ATP10B: variants seen among roughly 807,000 people sequenced by gnomAD.
ATP10B encodes ATPase phospholipid transporting 10B (putative), also known as phospholipid-transporting ATPase VB.
A neutral mutation model predicts 141.2 loss-of-function variants in ATP10B; 122 were observed. That is an observed-to-expected ratio of 0.86 (90% confidence interval 0.75 to 1.00). The LOEUF (loss-of-function observed/expected upper bound fraction) is 1.00, where lower values mean the gene tolerates loss of function less well. Among genes scored for constraint, ATP10B ranks in the 50% least tolerant of loss-of-function variants. The pLI is 0.00. For synonymous variants in ATP10B, 685 were observed against 692.0 expected (o/e 0.99, Z 0.16); for missense variants, 1,876 against 1,825.3 (o/e 1.03, Z -0.51).
chr5:160,631,414 A>C (rs1275437751), intron 13 of ATP10B, among the ~76,000 whole-genome samples: 1 of 152,234 alleles, frequency 6.6e-6, no homozygotes, highest in East Asian at 1.9e-4. Context: ...CTAGTGGATC[A>C]AATGTGAAAG....
Position 160,602,681 on chromosome 5 carries a change from C to A in ATP10B, c.3259G>T (p.Ala1087Ser). 1.2e-6 allele frequency: 2 copies of A among 1,614,004 alleles called. No individual in the cohort carries two copies. The highest frequency in any genetic ancestry group is 1.7e-6 in the Non-Finnish European group (2 of 1,179,882). ...TTGAGATGCTTAAAGCGGGTGATGG[C>A]AAAGTCGCTGGACATGACAGCCTGA... The part of the protein sequence containing the change: ...GMQAVMSSDF[A>S]ITRFKHLKKL... The change falls in exon 21 of 26, where the codon GCC becomes TCC. Residue 1087 changes from alanine (A) to serine (S), a missense_variant. Physicochemically the swap from Ala to Ser is moderately conservative, Grantham distance 99. Transcript: ENST00000327245.
chr5:160,698,573 G>C (rs1764504782), intron 3 of ATP10B, among the ~76,000 whole-genome samples: 1 of 152,138 alleles, frequency 6.6e-6, no homozygotes. Context: ...AAAGACATTT[G>C]GACACATTGG....
chr5:160,870,424 A>G, the ATP10B span, among the ~76,000 whole-genome samples: 1 of 151,998 alleles, frequency 6.6e-6, no homozygotes, highest in South Asian at 2.1e-4. Context: ...AAAAAACCCC[A>G]CAATTTGAGG....
the ATP10B span, among the ~76,000 whole-genome samples, chr5:160,862,422 G>A: frequency 6.6e-6 from 1 of 151,824 alleles, no homozygotes; most frequent in African/African-American, 2.4e-5. Context: ...CACTTACCTG[G>A]CCAGTCTCCA....
chr5:160,919,488 G>A, the ATP10B span, among the ~76,000 whole-genome samples: 3 of 152,086 alleles, frequency 2.0e-5, no homozygotes, highest in Non-Finnish European at 2.9e-5. Flanking sequence ...GGGAGGAGTC[G>A]CTAGCAGCCA....
At chr5:160,763,344 C>T (rs1175685778) in intron 2 of ATP10B, among the ~76,000 whole-genome samples, 2 of 151,874 alleles carry the variant, frequency 1.3e-5, no homozygotes, top group Non-Finnish European at 2.9e-5. Context: ...TTAAGCAACT[C>T]GAAATAATAT....
the ATP10B span, among the ~76,000 whole-genome samples, chr5:160,896,349 T>A: frequency 6.6e-6 from 1 of 151,708 alleles, no homozygotes; most frequent in African/African-American, 2.4e-5. Flanking sequence ...CAATAAAAAA[T>A]GATAATGGGG....
At chr5:160,761,968 A>C (rs776231617) in intron 2 of ATP10B, among the ~76,000 whole-genome samples, 1 of 152,214 alleles carries the variant, frequency 6.6e-6, no homozygotes, top group Non-Finnish European at 1.5e-5. Flanking sequence ...AAACAAGTAG[A>C]AGAAAAAACT....
chr5:160,706,821 A>T (rs2127766766), intron 3 of ATP10B, among the ~76,000 whole-genome samples: 1 of 152,332 alleles, frequency 6.6e-6, no homozygotes, highest in South Asian at 2.1e-4. Context: ...CACTTCTTAA[A>T]TTAGAAAGTA....
intron 1 of ATP10B, among the ~76,000 whole-genome samples, chr5:160,811,307 T>C (rs1178546296): frequency 6.6e-6 from 1 of 152,070 alleles, no homozygotes; most frequent in East Asian, 1.9e-4. Context: ...GAGGGGAAAG[T>C]AATAGGACTT....
chr5:160,789,004 G>C (rs1214397419), intron 1 of ATP10B, among the ~76,000 whole-genome samples: 1 of 152,144 alleles, frequency 6.6e-6, no homozygotes, highest in Non-Finnish European at 1.5e-5. Flanking sequence ...GATGAATTCT[G>C]ACTAGGGCCT....
chr5:160,735,272 A>T (rs917130016), intron 2 of ATP10B, among the ~76,000 whole-genome samples: 2 of 151,996 alleles, frequency 1.3e-5, no homozygotes, highest in African/African-American at 2.4e-5. Context: ...ACTTATAAAG[A>T]TACATACAGA....
In ATP10B at chr5:160,670,719, A is replaced by G. The variant is rs191098511; in HGVS notation, c.471-52T>C. ...AGTGAGCTTTAAGTTTCCTCAGAAC[A>G]CTAATGAAAGAATAGAGGAAGGTCC... On this transcript the variant is annotated intron_variant, in intron 6 of 25. Coordinates refer to ENST00000327245, the MANE Select transcript of ATP10B (RefSeq NM_025153.3). 156 of 1,528,834 alleles carry G rather than the reference A, an allele frequency of 1.0e-4. 2 individuals are homozygous for G. In the Admixed American group the frequency reaches 2.6e-3, roughly 26 times the overall value. 94.7% of individuals were successfully genotyped at this position (1,528,834 alleles called of 1,614,324 possible).
the ATP10B span, among the ~76,000 whole-genome samples, chr5:160,872,965 G>T: frequency 6.6e-6 from 1 of 152,046 alleles, no homozygotes; most frequent in African/African-American, 2.4e-5. Context: ...GCTTTTGGTG[G>T]TATGTTCATT....
chr5:160,896,316 AAG>A, the ATP10B span, among the ~76,000 whole-genome samples: 1 of 152,138 alleles, frequency 6.6e-6, no homozygotes, highest in African/African-American at 2.4e-5. Context: ...CCAGATTATT[AAG>A]AGAGAAAAAT....
chr5:160,850,234 C>T (rs1194768014), intron 1 of ATP10B, among the ~76,000 whole-genome samples: 8 of 151,840 alleles, frequency 5.3e-5, no homozygotes, highest in Non-Finnish European at 1.0e-4. Flanking sequence ...GGTGAAACTC[C>T]GTCTCTACTA....
At chr5:160,653,575 AT>A (rs1389301227) in intron 7 of ATP10B, among the ~76,000 whole-genome samples, 7 of 20,448 alleles carry the variant, frequency 3.4e-4, no homozygotes, top group Non-Finnish European at 4.6e-4. Flanking sequence ...TTACATATAC[AT>A]ATATACATAT....
At chr5:160,870,380 G>A in the ATP10B span, among the ~76,000 whole-genome samples, 7 of 151,512 alleles carry the variant, frequency 4.6e-5, no homozygotes, top group African/African-American at 1.5e-4. Context: ...AAAAAAATAC[G>A]AGGTGTACTA....
At chr5:160,919,097 A>G in the ATP10B span, among the ~76,000 whole-genome samples, 1 of 149,498 alleles carries the variant, frequency 6.7e-6, no homozygotes, top group Non-Finnish European at 1.5e-5. Context: ...GGTGGCGCGC[A>G]CCTGTAGTCC....
Sources: allele counts gnomAD v4.1 joint callset (sites outside exome capture counted in the v4.1 genomes callset), GRCh38; gene constraint gnomAD v4.1.1; transcripts MANE v1.5; gene names NCBI Gene and HGNC (gene_info 2026-07-23, HGNC 2026-07-21).